Variants in NEDD4 observed in about 807,000 individuals in gnomAD.
The protein encoded by NEDD4 is NEDD4 E3 ubiquitin protein ligase.
NEDD4 carries 99 observed loss-of-function variants against 144.9 expected under a neutral mutation model. The observed-to-expected ratio is 0.68, with a 90% confidence interval of 0.58 to 0.81. The LOEUF (loss-of-function observed/expected upper bound fraction) is 0.81. Among genes scored for constraint, NEDD4 ranks in the 30% least tolerant of loss-of-function variants. The pLI, the probability that NEDD4 is intolerant of heterozygous loss-of-function variation, is 0.00. For missense variants in NEDD4, 985 were observed against 1,065.9 expected, an observed-to-expected ratio of 0.92 and a Z score of 1.06; for synonymous variants, 318 against 350.6, an observed-to-expected ratio of 0.91 and a Z score of 1.04.
intron 5 of NEDD4, among the ~76,000 whole-genome samples, chr15:55,881,067 T>A (rs188238172): frequency 6.6e-6 from 1 of 152,200 alleles, no homozygotes; most frequent in Admixed American, 6.5e-5. Flanking sequence ...CATGAGTTGA[T>A]GATAATTTTT....
chr15:55,992,245 G>A (rs2037999734), intron 1 of NEDD4, among the ~76,000 whole-genome samples: 2 of 152,170 alleles, frequency 1.3e-5, no homozygotes. Context: ...ACTATGAGCC[G>A]CCACCATTTG....
chr15:55,972,194 C>T (rs2037622513), intron 1 of NEDD4, among the ~76,000 whole-genome samples: 1 of 152,140 alleles, frequency 6.6e-6, no homozygotes, highest in Admixed American at 6.5e-5. Context: ...GTACAAAATT[C>T]ACATGTAAAA....
At chr15:55,938,603 T>C (rs967014743) in intron 4 of NEDD4, among the ~76,000 whole-genome samples, 4 of 151,910 alleles carry the variant, frequency 2.6e-5, no homozygotes, top group East Asian at 3.9e-4. Flanking sequence ...AAGCAAAAAT[T>C]GACAAGTGCA....
chr15:55,859,822 T>A (rs567979659), intron 11 of NEDD4, among the ~76,000 whole-genome samples: 9 of 152,314 alleles, frequency 5.9e-5, no homozygotes, highest in African/African-American at 2.2e-4. Context: ...AAGACCACTC[T>A]GTAATCGTGG....
intron 1 of NEDD4, among the ~76,000 whole-genome samples, chr15:55,976,127 A>T (rs553273594): frequency 2.6e-5 from 4 of 152,192 alleles, no homozygotes; most frequent in Admixed American, 6.5e-5. Context: ...ACAAAAATCA[A>T]ATCAAAACAT....
chr15:55,974,901 T>TTTTC (rs2037674932), intron 1 of NEDD4, among the ~76,000 whole-genome samples: 1 of 130,974 alleles, frequency 7.6e-6, no homozygotes. Flanking sequence ...CTTTTTTTTT[T>TTTTC]TTTTTTTTTT....
chr15:55,939,401 G>A lies in NEDD4; in HGVS notation c.237+11975C>T, dbSNP rs1370856201. On this transcript the variant is annotated intron_variant, in intron 4 of 28. Transcript: ENST00000435532. Reference sequence around the variant, plus strand: ...CCTGTTCATCTTCTGCCATGACTGAGGCCTCCCCAGCCATGTGGAACTGTG... The same window carrying A: ...CCTGTTCATCTTCTGCCATGACTGAAGCCTCCCCAGCCATGTGGAACTGTG... 2.6e-5 allele frequency among the ~76,000 whole-genome samples: 4 copies of A among 152,120 alleles called. 1 individual carries two copies. Among genetic ancestry groups the A allele is most frequent in the Non-Finnish European group, 2.9e-5 (2 of 68,030 alleles).
intron 5 of NEDD4, among the ~76,000 whole-genome samples, chr15:55,903,290 AGAGT>A (rs2035970579): frequency 1.3e-5 from 2 of 152,130 alleles, no homozygotes; most frequent in South Asian, 4.1e-4. Flanking sequence ...GTGCCCGATG[AGAGT>A]CCTTTTGGCT....
intron 2 of NEDD4, among the ~76,000 whole-genome samples, chr15:55,957,688 C>A (rs1182498144): frequency 6.6e-6 from 1 of 152,150 alleles, no homozygotes; most frequent in Non-Finnish European, 1.5e-5. Context: ...TTTATTACGG[C>A]ACTATTCACA....
chr15:55,920,825 T>C (rs574089784), intron 5 of NEDD4, among the ~76,000 whole-genome samples: 1 of 152,250 alleles, frequency 6.6e-6, no homozygotes, highest in South Asian at 2.1e-4. Context: ...TTCTATAACA[T>C]CTCAGGTCAT....
intron 5 of NEDD4, among the ~76,000 whole-genome samples, chr15:55,896,864 T>C (rs1012287431): frequency 1.3e-5 from 2 of 152,098 alleles, no homozygotes; most frequent in East Asian, 3.8e-4. Flanking sequence ...TTTAACATAA[T>C]TTATCTATTT....
intron 1 of NEDD4, among the ~76,000 whole-genome samples, chr15:55,982,744 C>T (rs1275791175): frequency 6.6e-6 from 1 of 152,212 alleles, no homozygotes; most frequent in Admixed American, 6.5e-5. Context: ...TCCCCACCCC[C>T]ATTCCATAAA....
chr15:55,848,386 C>A lies in NEDD4; in HGVS notation c.1528G>T (p.Ala510Ser). The A allele has an allele frequency of 3.1e-6, 5 of 1,614,072 alleles. No individual in the cohort carries two copies. In the South Asian group the frequency reaches 5.5e-5, roughly 18 times the overall value. ...QWEDPRLENV[A>S]ITGPAVPYSR... ...GAGAGACTTACTGGTCCAGTTATTG[C>A]TACATTCTCCAACCGAGGATCTTCC... Residue 510 changes from alanine (A) to serine (S), a missense_variant, in exon 17 of 29, where the codon GCA becomes TCA. Transcript: ENST00000435532.
chr15:55,949,384 A>T (rs2037187250), intron 4 of NEDD4, among the ~76,000 whole-genome samples: 1 of 152,330 alleles, frequency 6.6e-6, no homozygotes, highest in Non-Finnish European at 1.5e-5. Flanking sequence ...ATTGTGGAAG[A>T]CAGTGTGGCG....
At chr15:55,982,208 T>C (rs1175723399) in intron 1 of NEDD4, among the ~76,000 whole-genome samples, 1 of 152,322 alleles carries the variant, frequency 6.6e-6, no homozygotes, top group Non-Finnish European at 1.5e-5. Flanking sequence ...TGGGAGACTG[T>C]TAGGCAGTTT....
intron 5 of NEDD4, among the ~76,000 whole-genome samples, chr15:55,923,659 A>AAAAAAATATAT (rs546642962): frequency 1.3e-4 from 18 of 135,268 alleles, no homozygotes; most frequent in African/African-American, 5.0e-4. Context: ...AAAAAAAAAA[A>AAAAAAATATAT]ATATATATAT....
intron 4 of NEDD4, among the ~76,000 whole-genome samples, chr15:55,943,217 C>T (rs1410909106): frequency 5.9e-5 from 9 of 152,210 alleles, no homozygotes; most frequent in Non-Finnish European, 1.0e-4. Flanking sequence ...GGAATATGTG[C>T]AGCCTGATCA....
chr15:55,916,235 A>G (rs755903951), intron 5 of NEDD4: 2 of 1,614,080 alleles, frequency 1.2e-6, no homozygotes, highest in Non-Finnish European at 1.7e-6. Flanking sequence ...CCAAAAAAGT[A>G]TCATCACTTG....
chr15:55,830,742 C>G (rs534316564), intron 27 of NEDD4, among the ~76,000 whole-genome samples, 156 bp from the exon 28 acceptor site: 8 of 152,314 alleles, frequency 5.3e-5, no homozygotes, highest in Non-Finnish European at 1.0e-4. Context: ...CTCTGTCACC[C>G]AGACTGGAGT....
Sources: allele counts gnomAD v4.1 joint callset (sites outside exome capture counted in the v4.1 genomes callset), GRCh38; gene constraint gnomAD v4.1.1; transcripts MANE v1.5; gene names NCBI Gene and HGNC (gene_info 2026-07-23, HGNC 2026-07-21).